NDST4: variants seen among roughly 807,000 people sequenced by gnomAD.
NDST4 encodes the protein N-heparan sulfate sulfotransferase 4.
A neutral mutation model predicts 100.8 loss-of-function variants in NDST4; 63 were observed. The observed-to-expected ratio is 0.62, with a 90% CI of 0.51 to 0.77. The LOEUF is 0.77. Among genes scored for constraint, NDST4 ranks in the 30% least tolerant of loss-of-function variants. The pLI, the probability that NDST4 is intolerant of heterozygous loss-of-function variation, is 0.00. For synonymous variants in NDST4, 377 were observed against 361.8 expected, an observed-to-expected ratio of 1.04 and a Z score of -0.48; for missense variants, 943 against 1,018.4, an observed-to-expected ratio of 0.93 and a Z score of 1.01.
rs113188350 is a variant in NDST4, at chr4:115,062,039, A to C, written c.978+14020T>G. ...AAAGCAAACATTGAAACAGAAAAGG[A>C]AGGCAAAATAGTGAGGATTAAGAAA... On this transcript the variant is annotated intron_variant, in intron 2 of 13. Coordinates refer to ENST00000264363, the MANE Select transcript of NDST4 (RefSeq NM_022569.3). Among the ~76,000 whole-genome samples, 1,258 of 152,180 alleles carry C rather than the reference A, an allele frequency of 8.3e-3. 27 individuals are homozygous for C. Among genetic ancestry groups the C allele is most frequent in the African/African-American group, 0.028 (1,172 of 41,510 alleles).
At chr4:114,890,842 A>G (rs1724577902) in intron 6 of NDST4, among the ~76,000 whole-genome samples, 1 of 152,058 alleles carries the variant, frequency 6.6e-6, no homozygotes, top group Non-Finnish European at 1.5e-5. Flanking sequence ...TTTGCCTACA[A>G]TCATATAGTC....
intron 6 of NDST4, among the ~76,000 whole-genome samples, chr4:114,912,618 C>A (rs760254244): frequency 6.6e-6 from 1 of 152,122 alleles, no homozygotes; most frequent in Admixed American, 6.5e-5. Context: ...TTAGCAAGAA[C>A]CTTGCCATCC....
chr4:115,071,203 A>G (rs1024286991), intron 2 of NDST4, among the ~76,000 whole-genome samples: 2 of 152,008 alleles, frequency 1.3e-5, no homozygotes, highest in Non-Finnish European at 2.9e-5. Context: ...CCTTAAAAGT[A>G]TTTACTCTTT....
intron 2 of NDST4, among the ~76,000 whole-genome samples, chr4:114,992,383 T>C (rs757671561): frequency 1.3e-5 from 2 of 151,848 alleles, no homozygotes; most frequent in African/African-American, 2.4e-5. Context: ...GATTCCTCTG[T>C]TGTTGACAGT....
At chr4:114,877,670 C>T (rs771897827) in intron 6 of NDST4, among the ~76,000 whole-genome samples, 1 of 152,184 alleles carries the variant, frequency 6.6e-6, no homozygotes, top group Non-Finnish European at 1.5e-5. Context: ...AGAAATAGGC[C>T]GGGCGCAATG....
intron 2 of NDST4, among the ~76,000 whole-genome samples, chr4:114,979,589 T>C (rs556206600): frequency 2.6e-5 from 4 of 152,072 alleles, no homozygotes; most frequent in African/African-American, 7.2e-5. Context: ...TACCACAAGA[T>C]GATATCAGAA....
Position 114,850,757 on chromosome 4 carries a change from T to C in NDST4, c.1816+1968A>G, listed in dbSNP as rs540021669. Among the ~76,000 whole-genome samples the C allele has an allele frequency of 9.2e-5, 14 of 152,330 alleles. No individual in the cohort carries two copies. The South Asian group carries it at 2.5e-3, about 27-fold the overall frequency. ...GATCTTCTGAAAGATCTAAGGCCAA[T>C]GAGTTATGCTCTTATAATTGTTGTG... On this transcript the variant is annotated intron_variant, in intron 8 of 13. Coordinates refer to ENST00000264363, the MANE Select transcript of NDST4 (RefSeq NM_022569.3).
At chr4:115,109,370 A>C (rs1451483192) in intron 1 of NDST4, among the ~76,000 whole-genome samples, 1 of 151,948 alleles carries the variant, frequency 6.6e-6, no homozygotes, top group Non-Finnish European at 1.5e-5. Context: ...TGATGGTGGA[A>C]TTTGCAAAAT....
intron 1 of NDST4, among the ~76,000 whole-genome samples, chr4:115,105,364 TACTC>T (rs1216339344): frequency 2.6e-5 from 4 of 152,154 alleles, no homozygotes; most frequent in East Asian, 1.9e-4. Context: ...AACTTTCACT[TACTC>T]AAGAAATGTA....
At chr4:114,986,793 C>CATATATATATATATATATATAT (rs59806494) in intron 2 of NDST4, among the ~76,000 whole-genome samples, 5 of 91,134 alleles carry the variant, frequency 5.5e-5, no homozygotes, top group African/African-American at 1.8e-4. Context: ...TCCAATTATA[C>CATATATATATATATATATATAT]ATATATATAT....
intron 7 of NDST4, among the ~76,000 whole-genome samples, chr4:114,870,467 C>A (rs914883292): frequency 6.6e-6 from 1 of 152,040 alleles, no homozygotes; most frequent in African/African-American, 2.4e-5. Flanking sequence ...GCTCACACTG[C>A]ATGCAAGTTA....
At chr4:114,994,389 T>C (rs889869692) in intron 2 of NDST4, among the ~76,000 whole-genome samples, 1 of 152,026 alleles carries the variant, frequency 6.6e-6, no homozygotes, top group African/African-American at 2.4e-5. Flanking sequence ...AATATTTGGC[T>C]TCACCTCAAA....
intron 6 of NDST4, among the ~76,000 whole-genome samples, chr4:114,892,369 G>A (rs1724616435): frequency 6.6e-6 from 1 of 151,996 alleles, no homozygotes; most frequent in African/African-American, 2.4e-5. Context: ...TATATACTGT[G>A]CATGCAGAAA....
At chr4:114,986,832 A>ATATTTTTTTT in intron 2 of NDST4, among the ~76,000 whole-genome samples, 49 of 94,646 alleles carry the variant, frequency 5.2e-4, no homozygotes, top group African/African-American at 1.5e-3. Flanking sequence ...ATATATATAT[A>ATATTTTTTTT]TTTTAATATA....
chr4:114,849,082 G>T (rs990133651), intron 8 of NDST4, among the ~76,000 whole-genome samples: 3 of 152,214 alleles, frequency 2.0e-5, no homozygotes, highest in African/African-American at 7.2e-5. Context: ...AAAGATGGCT[G>T]CTTCAATGAC....
intron 2 of NDST4, among the ~76,000 whole-genome samples, chr4:115,055,458 A>G (rs964548157): frequency 3.9e-5 from 6 of 152,040 alleles, no homozygotes; most frequent in Non-Finnish European, 8.8e-5. Flanking sequence ...GTTGGCACAC[A>G]CCCTTGAATA....
intron 1 of NDST4, among the ~76,000 whole-genome samples, chr4:115,086,016 G>C (rs1360589426): frequency 6.6e-6 from 1 of 152,050 alleles, no homozygotes; most frequent in Non-Finnish European, 1.5e-5. Flanking sequence ...TCTGGGTCAT[G>C]GTCAAAAGTG....
At chr4:115,018,030 T>G (rs551162386) in intron 2 of NDST4, among the ~76,000 whole-genome samples, 1 of 152,146 alleles carries the variant, frequency 6.6e-6, no homozygotes, top group Non-Finnish European at 1.5e-5. Flanking sequence ...ATATATGTGA[T>G]TGAACCACAA....
rs376415741 is a variant in NDST4, at chr4:115,076,358, G to T, written c.679C>A (p.His227Asn). The T allele has an allele frequency of 3.1e-6, 5 of 1,613,978 alleles. No individual in the cohort carries two copies. Among genetic ancestry groups the T allele is most frequent in the Non-Finnish European group, 4.2e-6 (5 of 1,179,948 alleles). ...GEDWTIFQYN[H>N]STYQPVLLTE... ...AAAAGTACAGGCTGGTAGGTTGAAT[G>T]ATTATATTGGAAAATAGTCCAGTCT... is the stretch of plus-strand genomic sequence containing the variant. The change falls in exon 2 of 14, where the codon CAT (histidine) becomes AAT (asparagine). Residue 227 changes from histidine to asparagine, a missense_variant. Physicochemically the swap from His to Asn is moderately conservative, Grantham distance 68. Transcript: ENST00000264363.
Sources: allele counts gnomAD v4.1 joint callset (sites outside exome capture counted in the v4.1 genomes callset), GRCh38; gene constraint gnomAD v4.1.1; transcripts MANE v1.5; gene names NCBI Gene and HGNC (gene_info 2026-07-23, HGNC 2026-07-21).